The following ATP9B variants were observed in gnomAD, a reference collection of about 807,000 sequenced individuals.
ATP9B encodes ATPase phospholipid transporting 9B.
Under a neutral mutation model 146.1 loss-of-function variants are expected in ATP9B, and 110 were observed. The ratio of observed to expected loss-of-function variants is 0.75; its 90% CI spans 0.65 to 0.88. ATP9B has a LOEUF of 0.88. Among genes scored for constraint, ATP9B ranks in the 40% least tolerant of loss-of-function variants. The pLI is 0.00. For missense variants in ATP9B, 1,499 were observed against 1,496.4 expected (o/e 1.00, Z -0.03); for synonymous variants, 604 against 569.7 (o/e 1.06, Z -0.86).
intron 1 of ATP9B, among the ~76,000 whole-genome samples, chr18:79,075,975 T>C (rs1226859657): frequency 2.0e-5 from 3 of 152,234 alleles, no homozygotes; most frequent in Non-Finnish European, 4.4e-5. Flanking sequence ...ACATTACATA[T>C]ACATAACTCA....
At chr18:79,082,713 T>A in intron 1 of ATP9B, among the ~76,000 whole-genome samples, 1 of 152,244 alleles carries the variant, frequency 6.6e-6, no homozygotes, top group Non-Finnish European at 1.5e-5. Context: ...AGATCCTGTT[T>A]ACCTGGGTTT....
intron 11 of ATP9B, among the ~76,000 whole-genome samples, chr18:79,251,315 T>A (rs2145026642): frequency 6.6e-6 from 1 of 152,330 alleles, no homozygotes; most frequent in South Asian, 2.1e-4. Context: ...TCATCGCTAC[T>A]GTTGTGAAAG....
At chr18:79,188,189 G>A (rs1421152155) in intron 8 of ATP9B, among the ~76,000 whole-genome samples, 1 of 152,152 alleles carries the variant, frequency 6.6e-6, no homozygotes, top group East Asian at 1.9e-4. Flanking sequence ...TAATGTACTT[G>A]AAGAAATATG....
chr18:79,334,590 G>C (rs2096810690), intron 17 of ATP9B, among the ~76,000 whole-genome samples: 1 of 151,828 alleles, frequency 6.6e-6, no homozygotes, highest in African/African-American at 2.4e-5. Flanking sequence ...GGGGGGTGGG[G>C]TTGTCTCCTG....
chr18:79,093,109 A>T (rs1317861427), intron 1 of ATP9B, among the ~76,000 whole-genome samples: 1 of 152,068 alleles, frequency 6.6e-6, no homozygotes, highest in Non-Finnish European at 1.5e-5. Flanking sequence ...GGTGTTAGGA[A>T]TTTTTCAGCT....
Position 79,176,874 on chromosome 18 carries a change from A to G in ATP9B, c.840A>G (p.Ala280=). Residue 280 remains alanine, a synonymous_variant, in exon 8 of 30, where the codon GCA becomes GCG. Transcript: ENST00000426216. ...AAACTGACTGGAAGCTGAAGGTGGCAGTGAGCTGCACGCAACAGCTGCCGG... is the reference window on the plus strand; with the variant it reads ...AAACTGACTGGAAGCTGAAGGTGGCGGTGAGCTGCACGCAACAGCTGCCGG... The part of the protein sequence containing the change: ...DGETDWKLKV[A]VSCTQQLPAL... The G allele has an allele frequency of 6.2e-7, 1 of 1,614,180 alleles. No individual in the cohort carries two copies. Among genetic ancestry groups the G allele is most frequent in the African/African-American group, 1.3e-5 (1 of 75,064 alleles).
intron 8 of ATP9B, among the ~76,000 whole-genome samples, chr18:79,180,746 TG>T (rs2095241634): frequency 1.3e-5 from 2 of 151,958 alleles, no homozygotes; most frequent in Non-Finnish European, 2.9e-5. Flanking sequence ...TGCTAGAGAT[TG>T]TCAGTTTTTG....
chr18:79,101,103 A>G (rs567750314), intron 2 of ATP9B, among the ~76,000 whole-genome samples: 131 of 150,860 alleles, frequency 8.7e-4, no homozygotes, highest in African/African-American at 3.2e-3. Context: ...ACCTTGGCAC[A>G]GTGTGTGTGT....
intron 5 of ATP9B, among the ~76,000 whole-genome samples, chr18:79,127,264 G>T (rs1357153069): frequency 1.3e-5 from 2 of 152,078 alleles, no homozygotes; most frequent in South Asian, 2.1e-4. Flanking sequence ...TCATAAAGTT[G>T]TGCAGCCATC....
intron 11 of ATP9B, among the ~76,000 whole-genome samples, chr18:79,220,050 T>C (rs974862965): frequency 1.3e-5 from 2 of 152,112 alleles, no homozygotes; most frequent in Non-Finnish European, 2.9e-5. Flanking sequence ...GAAGCAGAGA[T>C]AGGCTGCTGG....
intron 12 of ATP9B, among the ~76,000 whole-genome samples, chr18:79,272,375 A>G (rs563023390): frequency 2.0e-5 from 3 of 152,258 alleles, no homozygotes; most frequent in African/African-American, 7.2e-5. Flanking sequence ...GTATGCATGT[A>G]TGTATGATGT....
At chr18:79,289,869 G>A (rs909516108) in intron 13 of ATP9B, among the ~76,000 whole-genome samples, 6 of 152,196 alleles carry the variant, frequency 3.9e-5, no homozygotes, top group Admixed American at 3.9e-4. Context: ...GAGCTTGCTG[G>A]AGGTCCACTC....
At chr18:79,201,052 T>G (rs59962329) in intron 9 of ATP9B, among the ~76,000 whole-genome samples, 19,101 of 152,228 alleles carry the variant, frequency 0.13, 1,526 homozygotes, top group African/African-American at 0.22. Flanking sequence ...TGGTGACCAC[T>G]TGTGGGAGGC....
intron 11 of ATP9B, among the ~76,000 whole-genome samples, chr18:79,227,159 A>G (rs975727498): frequency 6.6e-6 from 1 of 152,098 alleles, no homozygotes; most frequent in African/African-American, 2.4e-5. Flanking sequence ...TCGTACTATC[A>G]TGAACCCATC....
intron 11 of ATP9B, among the ~76,000 whole-genome samples, chr18:79,234,540 AGGGCATGCTTGCTGC>A (rs929460071): frequency 4.2e-4 from 64 of 152,108 alleles, no homozygotes; most frequent in Non-Finnish European, 8.5e-4. Flanking sequence ...CCGCCACTAC[AGGGCATGCTTGCTGC>A]GGGCGTGCTG....
At chr18:79,281,843 G>C (rs957068023) in intron 13 of ATP9B, among the ~76,000 whole-genome samples, 4 of 152,200 alleles carry the variant, frequency 2.6e-5, no homozygotes, top group African/African-American at 9.7e-5. Flanking sequence ...GACCAACATG[G>C]TGAAACCCTG....
intron 12 of ATP9B, among the ~76,000 whole-genome samples, chr18:79,263,977 C>T (rs1266591486): frequency 1.3e-5 from 2 of 151,950 alleles, no homozygotes; most frequent in African/African-American, 2.4e-5. Flanking sequence ...CCCAGCTGCT[C>T]GGGAGGCTGA....
At chr18:79,260,283 A>C (rs1159437827) in intron 12 of ATP9B, among the ~76,000 whole-genome samples, 2 of 152,152 alleles carry the variant, frequency 1.3e-5, no homozygotes, top group Non-Finnish European at 2.9e-5. Flanking sequence ...TGAGCATGTG[A>C]AGGAGGAACC....
chr18:79,187,635 C>G (rs572725954), intron 8 of ATP9B, among the ~76,000 whole-genome samples: 1 of 152,148 alleles, frequency 6.6e-6, no homozygotes, highest in South Asian at 2.1e-4. Context: ...TCTGATTCCC[C>G]CTGTGCTGCT....
Sources: gnomAD v4.1 joint callset for allele counts (sites outside exome capture counted in the v4.1 genomes callset) on GRCh38, gnomAD v4.1.1 for gene constraint, MANE v1.5 for transcripts, NCBI Gene and HGNC (gene_info 2026-07-23, HGNC 2026-07-21) for gene names.